The following STXBP5L variants were observed in gnomAD, a reference collection of about 807,000 sequenced individuals.
STXBP5L encodes the protein syntaxin binding protein 5L.
In STXBP5L, 65 loss-of-function variants were observed where a neutral mutation model predicts 144.5. The ratio of observed to expected loss-of-function variants is 0.45; its 90% CI spans 0.37 to 0.55. The LOEUF (loss-of-function observed/expected upper bound fraction) is 0.55, where lower values mean the gene tolerates loss of function less well. Ranked by LOEUF, STXBP5L falls within the 20% of genes least tolerant of loss-of-function variation. The pLI is 0.00. For missense variants in STXBP5L, 1,298 were observed against 1,405.5 expected, an observed-to-expected ratio of 0.92 and a Z score of 1.22; for synonymous variants, 505 against 469.6, an observed-to-expected ratio of 1.08 and a Z score of -0.97.
intron 2 of STXBP5L, among the ~76,000 whole-genome samples, chr3:120,948,525 C>G (rs968258023): frequency 6.6e-6 from 1 of 151,902 alleles, no homozygotes; most frequent in Admixed American, 6.6e-5. Context: ...GTACACTGTA[C>G]CCAATGTGTA....
At chr3:121,317,059 G>A (rs962313428) in intron 19 of STXBP5L, among the ~76,000 whole-genome samples, 1 of 151,970 alleles carries the variant, frequency 6.6e-6, no homozygotes, top group Non-Finnish European at 1.5e-5. Context: ...GTATATCTAG[G>A]GTTAAGACCG....
chr3:121,052,979 G>T (rs1948143698), intron 5 of STXBP5L, among the ~76,000 whole-genome samples: 1 of 152,126 alleles, frequency 6.6e-6, no homozygotes, highest in African/African-American at 2.4e-5. Flanking sequence ...CAAATCATGA[G>T]TGAACTCCCA....
chr3:121,355,879 A>G (rs2045492372), intron 20 of STXBP5L, among the ~76,000 whole-genome samples: 1 of 151,988 alleles, frequency 6.6e-6, no homozygotes, highest in African/African-American at 2.4e-5. Flanking sequence ...TTTGGTGTAG[A>G]TGTTCTTATT....
At chr3:121,008,627 C>A (rs1443779978) in intron 3 of STXBP5L, among the ~76,000 whole-genome samples, 4 of 151,962 alleles carry the variant, frequency 2.6e-5, no homozygotes, top group African/African-American at 9.7e-5. Flanking sequence ...TAAGCTGGTT[C>A]CTTACAATGG....
chr3:120,952,976 TC>T (rs199762470), intron 2 of STXBP5L, among the ~76,000 whole-genome samples: 4,448 of 149,852 alleles, frequency 0.03, 79 homozygotes, highest in Non-Finnish European at 0.045. Context: ...TTTTTTTTTT[TC>T]TTAATAGAGA....
At chr3:121,081,399 C>A (rs575534852) in intron 5 of STXBP5L, among the ~76,000 whole-genome samples, 2 of 152,114 alleles carry the variant, frequency 1.3e-5, no homozygotes, top group South Asian at 4.2e-4. Flanking sequence ...AAGGATCAAA[C>A]TTTAATGTTT....
chr3:121,102,719 G>C (rs1173539812), intron 5 of STXBP5L, among the ~76,000 whole-genome samples: 1 of 151,902 alleles, frequency 6.6e-6, no homozygotes, highest in East Asian at 1.9e-4. Context: ...ATTAAACTAA[G>C]GAACTTCTGC....
chr3:121,089,759 A>AT (rs2042686847), intron 5 of STXBP5L, among the ~76,000 whole-genome samples: 1 of 151,690 alleles, frequency 6.6e-6, no homozygotes, highest in Non-Finnish European at 1.5e-5. Context: ...AAGCTCTGGT[A>AT]TTTTTTTACT....
chr3:120,973,283 C>T (rs1402980861), intron 3 of STXBP5L, among the ~76,000 whole-genome samples: 1 of 151,986 alleles, frequency 6.6e-6, no homozygotes. Context: ...TCTATTTCAT[C>T]CTAGTTCAAT....
chr3:121,000,728 A>C (rs933984517), intron 3 of STXBP5L, among the ~76,000 whole-genome samples: 14 of 152,190 alleles, frequency 9.2e-5, no homozygotes, highest in African/African-American at 3.4e-4. Context: ...ACTGATTCTC[A>C]TCTGTGTGGG....
At chr3:121,076,401 T>C (rs543291574) in intron 5 of STXBP5L, among the ~76,000 whole-genome samples, 82 of 152,326 alleles carry the variant, frequency 5.4e-4, no homozygotes, top group East Asian at 3.9e-4. Context: ...ATGGTTTTTT[T>C]CTGCTTTTTC....
chr3:120,911,172 G>T (rs1390328343), intron 2 of STXBP5L, among the ~76,000 whole-genome samples: 1 of 152,100 alleles, frequency 6.6e-6, no homozygotes, highest in Non-Finnish European at 1.5e-5. Context: ...AGGAAAGATA[G>T]ACTTCTGAAA....
intron 2 of STXBP5L, among the ~76,000 whole-genome samples, 157 bp downstream of exon 2, chr3:120,909,924 A>G (rs952591874): frequency 1.3e-5 from 2 of 152,226 alleles, no homozygotes; most frequent in African/African-American, 2.4e-5. Context: ...GGCTTAATAG[A>G]TATTTTAGGC....
chr3:121,145,522 A>G (rs1302434786), intron 7 of STXBP5L, among the ~76,000 whole-genome samples: 1 of 152,022 alleles, frequency 6.6e-6, no homozygotes, highest in Non-Finnish European at 1.5e-5. Flanking sequence ...ATTTGCAACA[A>G]TTCATCAACA....
chr3:121,141,394 ACT>A (rs986526435), intron 7 of STXBP5L, among the ~76,000 whole-genome samples: 4 of 143,212 alleles, frequency 2.8e-5, no homozygotes. Flanking sequence ...CAAGAGTGAA[ACT>A]CTGTCTCAAA....
chr3:121,023,753 T>C (rs1945725780), intron 3 of STXBP5L, among the ~76,000 whole-genome samples: 1 of 152,162 alleles, frequency 6.6e-6, no homozygotes, highest in African/African-American at 2.4e-5. Flanking sequence ...GACTTAAATC[T>C]AAGACCTGAC....
At chr3:121,369,348 T>A (rs959697308) in intron 20 of STXBP5L, among the ~76,000 whole-genome samples, 1 of 151,990 alleles carries the variant, frequency 6.6e-6, no homozygotes, top group African/African-American at 2.4e-5. Context: ...TGGCTTTTTT[T>A]TTTTTAATGG....
At chr3:121,357,173 T>A (rs902554207) in intron 20 of STXBP5L, 28 of 193,576 alleles carry the variant, frequency 1.4e-4, no homozygotes, top group Admixed American at 6.2e-5. Flanking sequence ...CTCCCAAGCA[T>A]GACCACATTA....
At chr3:121,079,245 A>C (rs1436923624) in intron 5 of STXBP5L, among the ~76,000 whole-genome samples, 1 of 152,256 alleles carries the variant, frequency 6.6e-6, no homozygotes, top group Non-Finnish European at 1.5e-5. Flanking sequence ...GGTGGGAACT[A>C]TGTGAGGCAG....
Sources: allele counts gnomAD v4.1 joint callset (sites outside exome capture counted in the v4.1 genomes callset), GRCh38; gene constraint gnomAD v4.1.1; transcripts MANE v1.5; gene names NCBI Gene and HGNC (gene_info 2026-07-23, HGNC 2026-07-21).